Variants in GRM5 observed in about 807,000 individuals in gnomAD.
The protein encoded by GRM5 is glutamate metabotropic receptor 5.
GRM5 carries 19 observed loss-of-function variants against 83.1 expected under a neutral mutation model. The observed-to-expected ratio is 0.23, with a 90% CI of 0.16 to 0.34. The LOEUF is 0.34. GRM5 is among the 10% of genes least tolerant of loss of function. The probability of loss-of-function intolerance (pLI) is 1.00; values close to 1 mark genes in which losing one functional copy is unlikely to be tolerated. For synonymous variants in GRM5, 675 were observed against 633.6 expected (o/e 1.07, Z -0.98); for missense variants, 1,160 against 1,588.3 (o/e 0.73, Z 4.58).
intron 3 of GRM5, among the ~76,000 whole-genome samples, chr11:88,715,458 A>G (rs558063236): frequency 3.3e-5 from 5 of 151,930 alleles, no homozygotes; most frequent in South Asian, 4.1e-4. Context: ...ATAATTCTCA[A>G]TAAGGTGGAT....
chr11:88,818,011 G>A (rs1434782440), intron 3 of GRM5, among the ~76,000 whole-genome samples: 1 of 152,038 alleles, frequency 6.6e-6, no homozygotes, highest in African/African-American at 2.4e-5. Flanking sequence ...TACATGCTGA[G>A]AAAGTTGATT....
chr11:88,793,800 C>A (rs1468938841), intron 3 of GRM5, among the ~76,000 whole-genome samples: 2 of 152,022 alleles, frequency 1.3e-5, no homozygotes, highest in Admixed American at 1.3e-4. Context: ...AAGGAAACAA[C>A]AGAGAAGACT....
chr11:88,854,156 G>A (rs941229033), intron 2 of GRM5, among the ~76,000 whole-genome samples: 1 of 150,400 alleles, frequency 6.6e-6, no homozygotes, highest in African/African-American at 2.5e-5. Context: ...TGCAACATCA[G>A]CATATTATTC....
In GRM5 at chr11:88,541,641, C is replaced by T. The variant is rs568364363; in HGVS notation, c.2631-16237G>A. Among the ~76,000 whole-genome samples the T allele has an allele frequency of 2.0e-5, 3 of 152,290 alleles. No individual in the cohort carries two copies. The East Asian group carries it at 5.8e-4, about 29-fold the overall frequency. ...ATGGATTTTATTCTCAGCAATACCA[C>T]TTACTAGCTATATTGTTATGAATAA... On this transcript the variant is annotated intron_variant, in intron 8 of 9. Coordinates refer to ENST00000305447, the MANE Select transcript of GRM5 (RefSeq NM_001143831.3).
chr11:88,905,573 C>T (rs934798260), intron 2 of GRM5, among the ~76,000 whole-genome samples: 3 of 152,168 alleles, frequency 2.0e-5, no homozygotes, highest in Admixed American at 2.0e-4. Flanking sequence ...AATTCCTGAC[C>T]TCAAGTAATC....
intron 1 of GRM5, among the ~76,000 whole-genome samples, chr11:89,064,283 C>T (rs566395554): frequency 6.6e-6 from 1 of 152,052 alleles, no homozygotes; most frequent in African/African-American, 2.4e-5. Context: ...GGTTTGTACC[C>T]TAGAACTTAA....
chr11:88,591,303 A>G (rs941638099), intron 6 of GRM5, among the ~76,000 whole-genome samples: 2 of 152,232 alleles, frequency 1.3e-5, no homozygotes, highest in African/African-American at 2.4e-5. Context: ...TGATTCAACA[A>G]TTCAACCCAT....
chr11:88,772,227 C>A (rs1942752658), intron 3 of GRM5, among the ~76,000 whole-genome samples: 1 of 151,846 alleles, frequency 6.6e-6, no homozygotes. Flanking sequence ...TTGGTAAAAA[C>A]AAAAATGAAA....
Position 88,564,595 on chromosome 11 carries a change from G to T in GRM5, c.2630+2458C>A, listed in dbSNP as rs573061829. Among the ~76,000 whole-genome samples the T allele has an allele frequency of 8.5e-3, 1,297 of 152,268 alleles. 21 individuals carry two copies. The highest frequency in any genetic ancestry group is 0.03 in the African/African-American group (1,245 of 41,556). ...TAAAAGTTAATAGTACAACTAGGGA[G>T]TAAGAGTGTGCACATTTGAAGACAA... On this transcript the variant is annotated intron_variant, in intron 8 of 9. Transcript: ENST00000305447.
chr11:89,037,802 G>T (rs1253556126), intron 2 of GRM5, among the ~76,000 whole-genome samples: 1 of 151,924 alleles, frequency 6.6e-6, no homozygotes, highest in African/African-American at 2.4e-5. Flanking sequence ...CATGTGTATC[G>T]GTTACATTTC....
intron 3 of GRM5, among the ~76,000 whole-genome samples, chr11:88,714,023 C>A (rs984586877): frequency 6.6e-6 from 1 of 151,950 alleles, no homozygotes; most frequent in Non-Finnish European, 1.5e-5. Flanking sequence ...TATCAAGAAT[C>A]TTTTTGAGTT....
At chr11:88,686,803 T>A (rs1035718409) in intron 3 of GRM5, among the ~76,000 whole-genome samples, 2 of 152,152 alleles carry the variant, frequency 1.3e-5, no homozygotes, top group African/African-American at 4.8e-5. Context: ...TTCTGAGGCC[T>A]CCCCAGTCAT....
intron 4 of GRM5, among the ~76,000 whole-genome samples, chr11:88,615,371 AT>A (rs1938446901): frequency 6.6e-6 from 1 of 152,186 alleles, no homozygotes; most frequent in Admixed American, 6.5e-5. Context: ...ATGCTTATGT[AT>A]TTTACAGAAA....
intron 2 of GRM5, among the ~76,000 whole-genome samples, chr11:88,998,353 T>C (rs570026496): frequency 3.9e-5 from 6 of 152,074 alleles, no homozygotes; most frequent in Non-Finnish European, 7.4e-5. Context: ...GAGATACCAT[T>C]TGATAAAAAT....
intron 3 of GRM5, among the ~76,000 whole-genome samples, chr11:88,674,302 A>G (rs1940268305): frequency 6.6e-6 from 1 of 151,806 alleles, no homozygotes; most frequent in Non-Finnish European, 1.5e-5. Context: ...CCGAGTTTAG[A>G]TATTTCCTAG....
intron 3 of GRM5, among the ~76,000 whole-genome samples, chr11:88,731,251 A>G (rs867115601): frequency 6.6e-6 from 1 of 152,010 alleles, no homozygotes; most frequent in African/African-American, 2.4e-5. Flanking sequence ...CTACTTATAC[A>G]TGAGTCTCTA....
intron 4 of GRM5, among the ~76,000 whole-genome samples, chr11:88,631,777 G>T (rs1422937386): frequency 6.6e-6 from 1 of 152,040 alleles, no homozygotes; most frequent in Admixed American, 6.6e-5. Flanking sequence ...AAAAGCAGGA[G>T]GAGAAGAACA....
intron 4 of GRM5, among the ~76,000 whole-genome samples, chr11:88,611,689 T>C (rs1315516352): frequency 6.6e-6 from 1 of 152,200 alleles, no homozygotes; most frequent in Non-Finnish European, 1.5e-5. Flanking sequence ...ATGTTTTGTA[T>C]GGATTTTCAC....
intron 2 of GRM5, among the ~76,000 whole-genome samples, chr11:89,006,349 T>A (rs528204387): frequency 1.3e-5 from 2 of 152,336 alleles, no homozygotes; most frequent in South Asian, 4.1e-4. Flanking sequence ...GTATTTCTTT[T>A]TATACCCACT....
Sources: allele counts gnomAD v4.1 joint callset (sites outside exome capture counted in the v4.1 genomes callset), GRCh38; gene constraint gnomAD v4.1.1; transcripts MANE v1.5; gene names NCBI Gene and HGNC (gene_info 2026-07-23, HGNC 2026-07-21).